CSMD1: variants seen among roughly 807,000 people sequenced by gnomAD.
CSMD1 encodes the protein CUB and Sushi multiple domains 1, also known as CUB and sushi domain-containing protein 1.
In CSMD1, 213 loss-of-function variants were observed where a neutral mutation model predicts 417.5. The observed-to-expected ratio is 0.51, with a 90% CI of 0.46 to 0.57. The LOEUF (loss-of-function observed/expected upper bound fraction) is 0.57. Ranked by LOEUF, CSMD1 falls within the 20% of genes least tolerant of loss-of-function variation. The pLI, the probability that CSMD1 is intolerant of heterozygous loss-of-function variation, is 0.00. For missense variants in CSMD1, 6,923 were observed against 4,529.7 expected, an observed-to-expected ratio of 1.53 and a Z score of -15.17; for synonymous variants, 2,862 against 1,736.8, an observed-to-expected ratio of 1.65 and a Z score of -16.11.
At chr8:3,272,996 C>T (rs1263101865) in intron 26 of CSMD1, among the ~76,000 whole-genome samples, 1 of 151,090 alleles carries the variant, frequency 6.6e-6, no homozygotes, top group Non-Finnish European at 1.5e-5. Flanking sequence ...GAGAGGGCAT[C>T]CCTGTCTTGT....
intron 1 of CSMD1, among the ~76,000 whole-genome samples, chr8:4,789,248 A>G (rs545967065): frequency 6.6e-6 from 1 of 152,354 alleles, no homozygotes; most frequent in Admixed American, 6.5e-5. Flanking sequence ...ACTGTTTCTC[A>G]TCTATGAAGA....
chr8:2,967,999 C>CAA (rs1223004381), intron 57 of CSMD1, among the ~76,000 whole-genome samples: 1 of 152,186 alleles, frequency 6.6e-6, no homozygotes, highest in African/African-American at 2.4e-5. Context: ...TCTGATGGTT[C>CAA]ACGGTGTGAC....
intron 2 of CSMD1, among the ~76,000 whole-genome samples, chr8:4,620,786 T>C (rs1204537103): frequency 6.6e-6 from 1 of 151,832 alleles, no homozygotes; most frequent in Non-Finnish European, 1.5e-5. Flanking sequence ...ACTACTTATT[T>C]ATAAAAAAGA....
rs527615737 is a variant in CSMD1 at position 4,593,601 on chromosome 8, T to A, written c.302+43741A>T. ...CATAATGAAAGTAGAAAATAACAAA[T>A]GACAGAAATATTTTTATGATTTTTG... On this transcript the variant is annotated intron_variant, in intron 2 of 69. Transcript: ENST00000635120. Among the ~76,000 whole-genome samples the A allele has an allele frequency of 2.0e-5, 3 of 152,222 alleles. No homozygotes were observed. The East Asian group carries it at 5.8e-4, about 29-fold the overall frequency.
At chr8:3,625,286 T>A (rs9650476) in intron 7 of CSMD1, among the ~76,000 whole-genome samples, 2 of 152,066 alleles carry the variant, frequency 1.3e-5, no homozygotes, top group Non-Finnish European at 1.5e-5. Context: ...TCAGCACATA[T>A]TGCTTTTATA....
Position 3,997,941 on chromosome 8 carries a change from A to G in CSMD1, c.780T>C (p.Asp260=). ...CTTCCGTGCCACTGATCTCTAAGAA[A>G]TCATATCCTTCTTCTAGCTGAAAGT... is the stretch of plus-strand genomic sequence containing the variant. ...FTDFQLEEGY[D]FLEISGTEAP... The change falls in exon 5 of 70, where the codon GAT becomes GAC. Residue 260 remains aspartate (D), a synonymous_variant. Transcript: ENST00000635120. 1.2e-6 allele frequency: 2 copies of G among 1,612,440 alleles called. No homozygotes were observed. Among genetic ancestry groups the G allele is most frequent in the South Asian group, 1.1e-5 (1 of 90,508 alleles).
chr8:3,842,451 T>G (rs1452872918), intron 5 of CSMD1, among the ~76,000 whole-genome samples: 1 of 152,150 alleles, frequency 6.6e-6, no homozygotes, highest in Non-Finnish European at 1.5e-5. Flanking sequence ...TGTTAAATGA[T>G]TTTATTCTCA....
intron 1 of CSMD1, among the ~76,000 whole-genome samples, chr8:4,962,056 C>G (rs1809526172): frequency 6.6e-6 from 1 of 151,102 alleles, no homozygotes; most frequent in Admixed American, 6.6e-5. Flanking sequence ...TTGATTTACT[C>G]CATTATATCT....
chr8:3,255,361 C>G (rs570428355), intron 26 of CSMD1, among the ~76,000 whole-genome samples: 1 of 152,304 alleles, frequency 6.6e-6, no homozygotes, highest in African/African-American at 2.4e-5. Context: ...AGATCTCAAG[C>G]TGTGTGCTGG....
intron 10 of CSMD1, among the ~76,000 whole-genome samples, chr8:3,557,841 C>T (rs953931359): frequency 1.3e-5 from 2 of 152,144 alleles, no homozygotes; most frequent in Admixed American, 1.3e-4. Flanking sequence ...ACCCTTTACT[C>T]CAAAGGTAAC....
rs80131570 is a variant in CSMD1, at chr8:4,900,812, G to C, written c.85+93520C>G. Among the ~76,000 whole-genome samples the C allele has an allele frequency of 4.7e-3, 723 of 152,214 alleles. 4 individuals carry two copies. The highest frequency in any genetic ancestry group is 0.017 in the African/African-American group (704 of 41,522). On this transcript the variant is annotated intron_variant, in intron 1 of 69. Transcript: ENST00000635120. Reference sequence around the variant, plus strand: ...GACTTTTCTATCTAGGCCAAACTATGACACATGAATTCTCACGGCTCTAAT... The same window carrying C: ...GACTTTTCTATCTAGGCCAAACTATCACACATGAATTCTCACGGCTCTAAT...
intron 7 of CSMD1, among the ~76,000 whole-genome samples, chr8:3,706,004 A>G (rs74318533): frequency 2.1e-3 from 316 of 152,348 alleles, no homozygotes; most frequent in African/African-American, 7.5e-3. Context: ...ACAGATGGTA[A>G]AGGATTCATG....
chr8:4,624,962 T>G (rs1001558049), intron 2 of CSMD1, among the ~76,000 whole-genome samples: 1 of 152,156 alleles, frequency 6.6e-6, no homozygotes, highest in African/African-American at 2.4e-5. Flanking sequence ...AACATAACTC[T>G]TTGAATGGAT....
chr8:4,224,777 T>C (rs536546264), intron 3 of CSMD1, among the ~76,000 whole-genome samples: 65 of 152,290 alleles, frequency 4.3e-4, no homozygotes, highest in African/African-American at 1.5e-3. Flanking sequence ...TACTCAAAAC[T>C]CTTAAAATGT....
At chr8:3,118,652 A>C in intron 41 of CSMD1, 65 bp from the exon 42 acceptor site, 2 of 1,446,060 alleles carry the variant, frequency 1.4e-6, no homozygotes, top group Admixed American at 3.7e-5. Context: ...CGGAATTTGC[A>C]GGAGTGTCAT....
chr8:4,079,170 T>C (rs901044591), intron 3 of CSMD1, among the ~76,000 whole-genome samples: 7 of 151,880 alleles, frequency 4.6e-5, no homozygotes, highest in East Asian at 1.9e-4. Context: ...ACAGTATAAA[T>C]TGAATATAAG....
chr8:3,814,941 G>C (rs998950455), intron 5 of CSMD1, among the ~76,000 whole-genome samples: 18 of 152,030 alleles, frequency 1.2e-4, no homozygotes, highest in African/African-American at 4.4e-4. Flanking sequence ...TCTGAAGTCA[G>C]CCATCCCAAA....
chr8:4,143,410 T>G (rs1034654859), intron 3 of CSMD1, among the ~76,000 whole-genome samples: 7 of 148,990 alleles, frequency 4.7e-5, no homozygotes, highest in East Asian at 1.9e-4. Flanking sequence ...GTTAATTAGG[T>G]GGAACCCAGG....
At chr8:4,493,441 A>G (rs1258111450) in intron 2 of CSMD1, among the ~76,000 whole-genome samples, 1 of 152,150 alleles carries the variant, frequency 6.6e-6, no homozygotes, top group Non-Finnish European at 1.5e-5. Context: ...CACGCCTGTA[A>G]TGCCAACACT....
Sources: gnomAD v4.1 joint callset for allele counts (sites outside exome capture counted in the v4.1 genomes callset) on GRCh38, gnomAD v4.1.1 for gene constraint, MANE v1.5 for transcripts, NCBI Gene and HGNC (gene_info 2026-07-23, HGNC 2026-07-21) for gene names.